The following DCAF5 variants were observed in gnomAD, a reference collection of about 807,000 sequenced individuals.
The protein encoded by DCAF5 is DDB1- and CUL4-associated factor 5.
DCAF5 carries 9 observed loss-of-function variants against 80.7 expected under a neutral mutation model. The observed-to-expected ratio is 0.11, with a 90% confidence interval of 0.07 to 0.19. The LOEUF is 0.19. DCAF5 is among the 10% of genes least tolerant of loss of function. The pLI is 1.00. For missense variants in DCAF5, 842 were observed against 1,205.7 expected, an observed-to-expected ratio of 0.70 and a Z score of 4.47; for synonymous variants, 433 against 461.9, an observed-to-expected ratio of 0.94 and a Z score of 0.80.
At chr14:69,142,587 C>T (rs2041409999) in intron 1 of DCAF5, among the ~76,000 whole-genome samples, 1 of 152,224 alleles carries the variant, frequency 6.6e-6, no homozygotes, top group Admixed American at 6.5e-5. Context: ...CTAGCAGTTA[C>T]ACCTCCCTTT....
At chr14:69,087,258 G>A (rs2039366876) in intron 6 of DCAF5, among the ~76,000 whole-genome samples, 1 of 152,164 alleles carries the variant, frequency 6.6e-6, no homozygotes, top group Non-Finnish European at 1.5e-5. Flanking sequence ...CCTATTAAGA[G>A]ACTCGCTCAC....
intron 6 of DCAF5, among the ~76,000 whole-genome samples, chr14:69,081,008 T>C (rs2039078790): frequency 6.6e-6 from 1 of 151,742 alleles, no homozygotes; most frequent in African/African-American, 2.4e-5. Context: ...TGTTCTGCTT[T>C]AGTACTAAAA....
rs2037756573 is a variant in DCAF5 at position 69,051,425 on chromosome 14, G to A, written c.*2432C>T. 1 of 152,252 alleles carries A rather than the reference G, an allele frequency of 6.6e-6. No homozygotes were observed. Among genetic ancestry groups the A allele is most frequent in the South Asian group, 2.1e-4 (1 of 4,826 alleles). 9.4% of individuals were successfully genotyped at this position (152,252 alleles called of 1,614,324 possible). On this transcript the variant is annotated 3_prime_UTR_variant, in exon 9 of 9. Coordinates refer to ENST00000341516, the MANE Select transcript of DCAF5 (RefSeq NM_003861.3). ...ACACAAAATCTCTGGAGATGAGGGT[G>A]GAGCAGCTATAAAGCAAGCATTTCT...
At chr14:69,107,702 T>C (rs2040211443) in intron 5 of DCAF5, among the ~76,000 whole-genome samples, 1 of 152,164 alleles carries the variant, frequency 6.6e-6, no homozygotes, top group South Asian at 2.1e-4. Flanking sequence ...ACACCTCCTC[T>C]AAGGATTTAT....
At chr14:69,110,956 A>G (rs1242448952) in intron 5 of DCAF5, among the ~76,000 whole-genome samples, 1 of 150,540 alleles carries the variant, frequency 6.6e-6, no homozygotes, top group South Asian at 2.1e-4. Flanking sequence ...CCAATGTGTC[A>G]ATTTTTTCTT....
chr14:69,105,914 C>CATATATATAT lies in DCAF5; in HGVS notation c.665+10442_665+10451dup, dbSNP rs35075766. ...GAGCCAATTTTCCCTAATAAACTGT[C>CATATATATAT]ATATATATATATATATATATATATA... On this transcript the variant is annotated intron_variant, in intron 5 of 8. Coordinates refer to ENST00000341516, the MANE Select transcript of DCAF5 (RefSeq NM_003861.3). Among the ~76,000 whole-genome samples the CATATATATAT allele has an allele frequency of 8.0e-3, 399 of 49,948 alleles. 33 individuals carry two copies. Among genetic ancestry groups the CATATATATAT allele is most frequent in the Non-Finnish European group, 0.012 (201 of 17,476 alleles). The allele number at this position is 49,948 out of a possible 152,430, so 32.8% of individuals were successfully genotyped here. A position where few individuals can be genotyped will look rare whatever the true frequency, so the allele number is the denominator to read the frequency against.
At chr14:69,128,020 C>T (rs543661283) in intron 1 of DCAF5, among the ~76,000 whole-genome samples, 2 of 151,940 alleles carry the variant, frequency 1.3e-5, no homozygotes, top group Non-Finnish European at 2.9e-5. Context: ...GAAAAAAATC[C>T]TTATCAATTA....
chr14:69,057,353 T>TG (rs2038016983), intron 8 of DCAF5, among the ~76,000 whole-genome samples: 1 of 151,848 alleles, frequency 6.6e-6, no homozygotes, highest in Non-Finnish European at 1.5e-5. Flanking sequence ...TTAGGATTTT[T>TG]TTTTTTTGCA....
intron 8 of DCAF5, among the ~76,000 whole-genome samples, chr14:69,058,475 C>T (rs554879349): frequency 3.3e-4 from 50 of 151,566 alleles, no homozygotes; most frequent in African/African-American, 1.0e-3. Flanking sequence ...GCCGAGATCG[C>T]GCCACTGCAC....
intron 6 of DCAF5, among the ~76,000 whole-genome samples, chr14:69,078,950 C>A (rs533360753): frequency 2.6e-5 from 4 of 152,020 alleles, no homozygotes; most frequent in Non-Finnish European, 4.4e-5. Context: ...GCAACCTCCA[C>A]CTCCAGGATT....
Position 69,136,343 on chromosome 14 carries a change from T to G in DCAF5, c.215-13983A>C, listed in dbSNP as rs373297049. 3.3e-5 allele frequency among the ~76,000 whole-genome samples: 5 copies of G among 152,196 alleles called. No homozygotes were observed. The South Asian group carries it at 8.3e-4, about 25-fold the overall frequency. On this transcript the variant is annotated intron_variant, in intron 1 of 8. Transcript: ENST00000341516. ...GTTGCCCAAGCTGGTCTTGAACTCC[T>G]GGACTAGAGCAATCCTCCTGCCTCA...
chr14:69,127,957 A>C (rs2040926194), intron 1 of DCAF5, among the ~76,000 whole-genome samples: 1 of 152,196 alleles, frequency 6.6e-6, no homozygotes, highest in Non-Finnish European at 1.5e-5. Flanking sequence ...ATATTAAGGA[A>C]GTATTGTTAC....
At chr14:69,125,155 T>A (rs907880522) in intron 1 of DCAF5, among the ~76,000 whole-genome samples, 71 of 152,330 alleles carry the variant, frequency 4.7e-4, no homozygotes, top group African/African-American at 1.6e-3. Flanking sequence ...TTAACCACTA[T>A]TCTATACTGC....
At position 69,077,011 on chromosome 14, in the gene DCAF5, G is replaced by A. The variant is rs148013454; in HGVS notation, c.880-1600C>T. 1.9e-3 allele frequency among the ~76,000 whole-genome samples: 293 copies of A among 152,184 alleles called. 2 individuals are homozygous for A. The highest frequency in any genetic ancestry group is 6.9e-3 in the African/African-American group (285 of 41,520). The stretch of plus-strand genomic sequence containing the variant: ...TGCTTGATCTCAAAAAGGACACTGT[G>A]CCAGATCTACTCTAATGTGAACTCA... On this transcript the variant is annotated intron_variant, in intron 6 of 8. Transcript: ENST00000341516.
intron 5 of DCAF5, among the ~76,000 whole-genome samples, chr14:69,111,308 A>G (rs767655137): frequency 3.3e-5 from 5 of 152,212 alleles, no homozygotes; most frequent in Non-Finnish European, 7.3e-5. Flanking sequence ...GAGAGAACCT[A>G]AGAGCAATTT....
At chr14:69,130,103 T>C (rs1416598871) in intron 1 of DCAF5, among the ~76,000 whole-genome samples, 1 of 152,152 alleles carries the variant, frequency 6.6e-6, no homozygotes, top group South Asian at 2.1e-4. Context: ...CAACACACTA[T>C]AACAAAGTAA....
intron 1 of DCAF5, among the ~76,000 whole-genome samples, chr14:69,150,716 C>G (rs1475381644): frequency 7.3e-6 from 1 of 137,022 alleles, no homozygotes; most frequent in South Asian, 2.2e-4. Flanking sequence ...GGAGACTCCA[C>G]CTCTACAAAA....
chr14:69,082,357 A>G (rs990059990), intron 6 of DCAF5, among the ~76,000 whole-genome samples: 2 of 152,226 alleles, frequency 1.3e-5, no homozygotes, highest in Non-Finnish European at 2.9e-5. Flanking sequence ...GTGAAGTTAC[A>G]TTATTCTTGC....
intron 1 of DCAF5, among the ~76,000 whole-genome samples, chr14:69,136,630 T>C (rs987523633): frequency 6.6e-6 from 1 of 152,210 alleles, no homozygotes; most frequent in Admixed American, 6.5e-5. Context: ...ACTGTTACTT[T>C]AGGACAGTGG....
Sources: gnomAD v4.1 joint callset for allele counts (sites outside exome capture counted in the v4.1 genomes callset) on GRCh38, gnomAD v4.1.1 for gene constraint, MANE v1.5 for transcripts, NCBI Gene and HGNC (gene_info 2026-07-23, HGNC 2026-07-21) for gene names.